Variants in FAM180A observed in about 807,000 individuals in gnomAD.
The protein encoded by FAM180A is family with sequence similarity 180 member A.
A neutral mutation model predicts 15.3 loss-of-function variants in FAM180A; 14 were observed. The observed-to-expected ratio is 0.92, with a 90% CI of 0.61 to 1.43. The LOEUF (loss-of-function observed/expected upper bound fraction) is 1.43. Ranked by LOEUF, FAM180A falls within the 40% of genes most tolerant of loss-of-function variation. The pLI, the probability that FAM180A is intolerant of heterozygous loss-of-function variation, is 0.00. For synonymous variants in FAM180A, 90 were observed against 96.8 expected (o/e 0.93, Z 0.41); for missense variants, 200 against 220.8 (o/e 0.91, Z 0.60).
intron 1 of FAM180A, among the ~76,000 whole-genome samples, chr7:135,737,613 G>GAAAAA (rs150431266): frequency 7.9e-6 from 1 of 127,144 alleles, no homozygotes; most frequent in African/African-American, 3.3e-5. Flanking sequence ...AAAAAAGAAA[G>GAAAAA]AAAAAAAAAA....
chr7:135,738,175 C>T (rs1471446508), intron 1 of FAM180A, among the ~76,000 whole-genome samples: 1 of 152,164 alleles, frequency 6.6e-6, no homozygotes, highest in East Asian at 1.9e-4. Context: ...GAGCTTTCCC[C>T]AAGGGCTGCC....
chr7:135,745,186 G>T (rs763406659), intron 1 of FAM180A, among the ~76,000 whole-genome samples: 14 of 152,088 alleles, frequency 9.2e-5, no homozygotes, highest in Non-Finnish European at 1.0e-4. Context: ...ACTGACCACA[G>T]GCCTTTCCCT....
intron 2 of FAM180A, among the ~76,000 whole-genome samples, chr7:135,736,025 T>C (rs1796865410): frequency 1.3e-5 from 2 of 150,898 alleles, no homozygotes; most frequent in Admixed American, 6.6e-5. Flanking sequence ...TCTTTTCTTT[T>C]TTTTTTTTTC....
In FAM180A at chr7:135,733,738, G is replaced by A. The variant is rs930553333; in HGVS notation, c.*237C>T. ...GGCAAACCATTCTGCCCATGGAGGC[G>A]TCTTGAATGACCATTCCAGCCCTTT... On this transcript the variant is annotated 3_prime_UTR_variant, in exon 3 of 4. Coordinates refer to ENST00000338588, the MANE Select transcript of FAM180A (RefSeq NM_205855.4). 149 of 1,334,248 alleles carry A rather than the reference G, an allele frequency of 1.1e-4. No homozygotes were observed. Among genetic ancestry groups the A allele is most frequent in the African/African-American group, 9.6e-4 (65 of 67,364 alleles). The allele number at this position is 1,334,248 out of a possible 1,614,324, so 82.7% of individuals were successfully genotyped here. A position where few individuals can be genotyped will look rare whatever the true frequency, so the allele number is the denominator to read the frequency against.
rs559864291 is a variant in FAM180A, at chr7:135,741,123, C to T, written c.77-3924G>A. Reference sequence around the variant, plus strand: ...CTGGACTTTCTTCGCTCAGTTGTTGCCCTGTGAACAGCAACATGTCTTTAA... The same window carrying T: ...CTGGACTTTCTTCGCTCAGTTGTTGTCCTGTGAACAGCAACATGTCTTTAA... On this transcript the variant is annotated intron_variant, in intron 1 of 3. Coordinates refer to ENST00000338588, the MANE Select transcript of FAM180A (RefSeq NM_205855.4). 3.9e-5 allele frequency among the ~76,000 whole-genome samples: 6 copies of T among 152,300 alleles called. No individual in the cohort carries two copies. The South Asian group carries it at 1.0e-3, about 26-fold the overall frequency.
Position 135,730,191 on chromosome 7 carries a change from T to C in FAM180A, c.*420A>G, listed in dbSNP as rs187997254. 7.3e-4 allele frequency: 720 copies of C among 985,344 alleles called. 5 individuals carry two copies. The highest frequency in any genetic ancestry group is 7.0e-4 in the Non-Finnish European group (585 of 829,914). 61.0% of individuals were successfully genotyped at this position (985,344 alleles called of 1,614,324 possible). A position where few individuals can be genotyped will look rare whatever the true frequency, so the allele number is the denominator to read the frequency against. The stretch of plus-strand genomic sequence containing the variant: ...GCAGTTAAATGTCTGTTGATGTCTC[T>C]TGAGTGACATTGGAGATAGCTGTGA... On this transcript the variant is annotated 3_prime_UTR_variant, in exon 4 of 4. Transcript: ENST00000338588.
intron 1 of FAM180A, among the ~76,000 whole-genome samples, chr7:135,739,126 A>G (rs932014134): frequency 2.6e-5 from 4 of 151,608 alleles, no homozygotes; most frequent in Non-Finnish European, 5.9e-5. Flanking sequence ...CCTGGTCAAC[A>G]TGGTGAAACC....
chr7:135,748,356 G>T, intron 1 of FAM180A, 149 bp downstream of exon 1: 1 of 676,728 alleles, frequency 1.5e-6, no homozygotes, highest in South Asian at 1.8e-5. Flanking sequence ...CTCTAAGAAG[G>T]GGGAACACGT....
chr7:135,739,192 C>T (rs528993634), intron 1 of FAM180A, among the ~76,000 whole-genome samples: 1 of 151,830 alleles, frequency 6.6e-6, no homozygotes, highest in East Asian at 1.9e-4. Flanking sequence ...TGCCTGTAAT[C>T]CCAGCTACTT....
At chr7:135,731,542 A>G (rs1352322715) in intron 3 of FAM180A, among the ~76,000 whole-genome samples, 1 of 144,590 alleles carries the variant, frequency 6.9e-6, no homozygotes. Flanking sequence ...CTAAAATAAA[A>G]GAAAGAAAGA....
intron 1 of FAM180A, among the ~76,000 whole-genome samples, chr7:135,746,072 A>G (rs1340381762): frequency 6.6e-6 from 1 of 152,146 alleles, no homozygotes; most frequent in Non-Finnish European, 1.5e-5. Context: ...GGGACTCTGT[A>G]TCATTTGTTG....
intron 1 of FAM180A, among the ~76,000 whole-genome samples, chr7:135,742,605 C>A (rs1406294251): frequency 6.6e-6 from 1 of 152,220 alleles, no homozygotes; most frequent in African/African-American, 2.4e-5. Flanking sequence ...AAGTGACTCA[C>A]TTGCTAAAGG....
chr7:135,734,211 CGTT>C lies in FAM180A; in HGVS notation c.283_285del (p.Asn95del), dbSNP rs1563178446. 6.2e-7 allele frequency: 1 copy of C among 1,614,164 alleles called. No homozygotes were observed. The highest frequency in any genetic ancestry group is 8.5e-7 in the Non-Finnish European group (1 of 1,180,038). The stretch of plus-strand genomic sequence containing the variant: ...ATGTCTGGGATGCTCTTGGGGATGA[CGTT>C]GTTGCAGACGGTGCGGAAGTCTGAG... On this transcript the variant is annotated inframe_deletion, in exon 3 of 4. Coordinates refer to ENST00000338588, the MANE Select transcript of FAM180A (RefSeq NM_205855.4).
chr7:135,748,517 T>G lies in FAM180A; in HGVS notation c.64A>C (p.Arg22=). 2 of 1,613,718 alleles carry G rather than the reference T, an allele frequency of 1.2e-6. No individual in the cohort carries two copies. Among genetic ancestry groups the G allele is most frequent in the Non-Finnish European group, 8.5e-7 (1 of 1,179,584 alleles). The change falls in exon 1 of 4, where the codon AGG becomes CGG. Residue 22 remains arginine, a synonymous_variant. Coordinates refer to ENST00000338588, the MANE Select transcript of FAM180A (RefSeq NM_205855.4). ...YYNAEASMCH[R]WSRAVLFPAA... is the part of the protein sequence containing the mutation. Reference sequence around the variant, plus strand: ...AAAAGCAACTCACCCCTGCTCCACCTGTGGCACATAGAAGCCTCAGCATTG... The same window carrying G: ...AAAAGCAACTCACCCCTGCTCCACCGGTGGCACATAGAAGCCTCAGCATTG...
rs1208914447 is a variant in FAM180A at position 135,731,390 on chromosome 7, AAGACTGAC to A, written c.*330-1117_*330-1110del. Among the ~76,000 whole-genome samples the A allele has an allele frequency of 5.9e-5, 9 of 152,110 alleles. No homozygotes were observed. In the South Asian group the frequency reaches 1.9e-3, roughly 32 times the overall value. ...TTTACTTAGACAATGATACCCAGAG[AAGACTGAC>A]AGACAGTGAGTGTTAGAGTGTGGGT... On this transcript the variant is annotated intron_variant, in intron 3 of 3. Transcript: ENST00000338588.
chr7:135,735,606 C>T (rs1026264558), intron 2 of FAM180A, among the ~76,000 whole-genome samples: 1 of 152,260 alleles, frequency 6.6e-6, no homozygotes, highest in Non-Finnish European at 1.5e-5. Context: ...ATGTTCAAGA[C>T]TAGGCAAAGA....
intron 1 of FAM180A, among the ~76,000 whole-genome samples, chr7:135,738,689 A>G (rs990568608): frequency 3.3e-5 from 5 of 152,244 alleles, no homozygotes; most frequent in African/African-American, 1.2e-4. Flanking sequence ...AATGATCATT[A>G]TAAATTGCAG....
At chr7:135,747,625 A>G (rs926144501) in intron 1 of FAM180A, among the ~76,000 whole-genome samples, 7 of 152,070 alleles carry the variant, frequency 4.6e-5, no homozygotes, top group African/African-American at 1.7e-4. Flanking sequence ...CCATGCCACC[A>G]TGCCAGTTGC....
chr7:135,736,696 G>A (rs1796877349), intron 2 of FAM180A, among the ~76,000 whole-genome samples: 1 of 152,230 alleles, frequency 6.6e-6, no homozygotes, highest in Non-Finnish European at 1.5e-5. Context: ...AGACAGCATT[G>A]CCATCTTAGC....
Sources: allele counts gnomAD v4.1 joint callset (sites outside exome capture counted in the v4.1 genomes callset), GRCh38; gene constraint gnomAD v4.1.1; transcripts MANE v1.5; gene names NCBI Gene and HGNC (gene_info 2026-07-23, HGNC 2026-07-21).